Variants in CHIC1 observed in about 807,000 individuals in gnomAD.
The protein encoded by CHIC1 is cysteine-rich hydrophobic domain-containing protein 1.
In CHIC1, 7 loss-of-function variants were observed where a neutral mutation model predicts 18.5. The ratio of observed to expected loss-of-function variants is 0.38; its 90% CI spans 0.22 to 0.71. The LOEUF (loss-of-function observed/expected upper bound fraction) is 0.71. CHIC1 is among the 30% of genes least tolerant of loss of function. CHIC1 has a pLI of 0.49. For synonymous variants in CHIC1, 77 were observed against 73.5 expected, an observed-to-expected ratio of 1.05 and a Z score of -0.25; for missense variants, 159 against 176.9, an observed-to-expected ratio of 0.90 and a Z score of 0.57.
At chrX:73,679,618 A>T in intron 4 of CHIC1, 36 bp from the exon 5 acceptor site, 1 of 925,676 alleles carries the variant, frequency 1.1e-6, no homozygotes, top group Non-Finnish European at 1.5e-6. Flanking sequence ...AGTTTAAGTT[A>T]ATATAAAAAT....
intron 3 of CHIC1, among the ~76,000 whole-genome samples, chrX:73,610,569 T>G (rs1569502482): frequency 9.2e-6 from 1 of 108,573 alleles, no homozygotes; most frequent in Non-Finnish European, 1.9e-5. Flanking sequence ...CTGGTTTTGA[T>G]ATCAGTGTAA....
intron 3 of CHIC1, among the ~76,000 whole-genome samples, chrX:73,601,135 A>C (rs1425813030): frequency 9.4e-6 from 1 of 106,450 alleles, no homozygotes; most frequent in Non-Finnish European, 1.9e-5. Context: ...CCCACTGTCA[A>C]CATTAGACAG....
chrX:73,584,479 C>T lies in CHIC1; in HGVS notation c.414C>T (p.Leu138=). The T allele has an allele frequency of 1.7e-6, 2 of 1,175,579 alleles. No homozygotes were observed. Among genetic ancestry groups the T allele is most frequent in the Non-Finnish European group, 2.3e-6 (2 of 876,292 alleles). The change falls in exon 3 of 6, where the codon CTC becomes CTT. Residue 138 remains leucine (L), a synonymous_variant. Coordinates refer to ENST00000373502, the MANE Select transcript of CHIC1 (RefSeq NM_001039840.4). ...GRVNACLKKA[L]PVNVKWLLCG... Reference sequence around the variant, plus strand: ...TGAATGCATGTTTGAAAAAGGCTCTCCCGGTCAATGTGAAATGGCTGCTGT... The same window carrying T: ...TGAATGCATGTTTGAAAAAGGCTCTTCCGGTCAATGTGAAATGGCTGCTGT...
At chrX:73,653,206 C>T (rs1459753197) in intron 3 of CHIC1, among the ~76,000 whole-genome samples, 1 of 109,806 alleles carries the variant, frequency 9.1e-6, no homozygotes, top group Non-Finnish European at 1.9e-5. Context: ...GGGAACAACA[C>T]ACTCTGGGGT....
intron 3 of CHIC1, among the ~76,000 whole-genome samples, chrX:73,645,879 C>A (rs1004387116): frequency 4.5e-5 from 5 of 111,602 alleles, no homozygotes; most frequent in African/African-American, 1.6e-4. Context: ...ATTTCCTTTG[C>A]AAAGCAAAGG....
At chrX:73,675,488 G>A (rs2058056956) in intron 3 of CHIC1, among the ~76,000 whole-genome samples, 1 of 111,691 alleles carries the variant, frequency 9.0e-6, no homozygotes, top group Non-Finnish European at 1.9e-5. Flanking sequence ...TAATGTAATG[G>A]CCTTCTTTGT....
Position 73,605,853 on chromosome X carries a change from G to C in CHIC1, c.507+21281G>C, listed in dbSNP as rs180783084. Among the ~76,000 whole-genome samples the C allele has an allele frequency of 2.2e-3, 244 of 108,819 alleles. 19 individuals carry two copies. Among genetic ancestry groups the C allele is most frequent in the African/African-American group, 8.2e-3 (229 of 28,011 alleles). 94.5% of individuals were successfully genotyped at this position (108,819 alleles called of 115,157 possible). On this transcript the variant is annotated intron_variant, in intron 3 of 5. Transcript: ENST00000373502. ...TCTTCTGGCTTGTAGGGTTTCTGCAGAGAGATCTACTATTAGTCTGATGGG... is the reference window on the plus strand; with the variant it reads ...TCTTCTGGCTTGTAGGGTTTCTGCACAGAGATCTACTATTAGTCTGATGGG...
chrX:73,585,359 A>T (rs1445500566), intron 3 of CHIC1, among the ~76,000 whole-genome samples: 1 of 111,170 alleles, frequency 9.0e-6, no homozygotes, highest in Non-Finnish European at 1.9e-5. Flanking sequence ...TTTAATGTTT[A>T]CTTCAAAAAG....
rs191169864 is a variant in CHIC1, at chrX:73,581,959, T to G, written c.352-2458T>G. Among the ~76,000 whole-genome samples the G allele has an allele frequency of 6.4e-3, 709 of 110,771 alleles. 8 individuals are homozygous for G. The highest frequency in any genetic ancestry group is 0.022 in the African/African-American group (665 of 30,712). ...ACAGTGTTTGAAATAAAAAGCTATT[T>G]TCTCTTCCCTCTTTTATTCTCTAGC... On this transcript the variant is annotated intron_variant, in intron 2 of 5. Transcript: ENST00000373502.
intron 3 of CHIC1, among the ~76,000 whole-genome samples, chrX:73,676,277 C>G (rs1321443175): frequency 9.0e-6 from 1 of 111,534 alleles, no homozygotes; most frequent in African/African-American, 3.3e-5. Flanking sequence ...GAATGTTGGC[C>G]TACCTTGCTA....
Position 73,646,170 on chromosome X carries a change from G to A in CHIC1, c.508-33156G>A, listed in dbSNP as rs191432211. Among the ~76,000 whole-genome samples the A allele has an allele frequency of 7.3e-4, 81 of 111,564 alleles. 4 individuals carry two copies. In the East Asian group the frequency reaches 9.6e-3, roughly 13 times the overall value. On this transcript the variant is annotated intron_variant, in intron 3 of 5. Coordinates refer to ENST00000373502, the MANE Select transcript of CHIC1 (RefSeq NM_001039840.4). ...GTCCTTTCTGTATTGTGTGTTCTTA[G>A]CAACTTTGTCAAACCAATTGACCAT...
At position 73,683,513 on chromosome X, in the gene CHIC1, T is replaced by G. The variant is rs2058108087; in HGVS notation, c.*2508T>G. On this transcript the variant is annotated 3_prime_UTR_variant, in exon 6 of 6. Transcript: ENST00000373502. Reference sequence around the variant, plus strand: ...GATTAATTCCTCCCCCATGGAGCCTTTTTTCTGTTATGCTTAGGATAGAAC... The same window carrying G: ...GATTAATTCCTCCCCCATGGAGCCTGTTTTCTGTTATGCTTAGGATAGAAC... The G allele has an allele frequency of 1.8e-5, 2 of 111,592 alleles. No homozygotes were observed. Among genetic ancestry groups the G allele is most frequent in the South Asian group, 7.3e-4 (2 of 2,732 alleles). The allele number at this position is 111,592 out of a possible 1,213,427, so 9.2% of individuals were successfully genotyped here. A position where few individuals can be genotyped will look rare whatever the true frequency, so the allele number is the denominator to read the frequency against.
intron 3 of CHIC1, among the ~76,000 whole-genome samples, chrX:73,670,298 C>T (rs1305297199): frequency 9.0e-6 from 1 of 111,700 alleles, no homozygotes; most frequent in Non-Finnish European, 1.9e-5. Context: ...TATATTCACT[C>T]ACCCCTTTCA....
chrX:73,597,440 A>G (rs1310640109), intron 3 of CHIC1, among the ~76,000 whole-genome samples: 2 of 109,609 alleles, frequency 1.8e-5, no homozygotes, highest in Admixed American at 2.0e-4. Context: ...TTGTCTTTTC[A>G]CTGTCTTAAT....
chrX:73,605,839 G>A (rs1434557153), intron 3 of CHIC1, among the ~76,000 whole-genome samples: 4 of 108,816 alleles, frequency 3.7e-5, no homozygotes, highest in Non-Finnish European at 7.5e-5. Flanking sequence ...CTTCTGGCTT[G>A]TAGGGTTTCT....
In CHIC1 at chrX:73,620,457, T is replaced by C. The variant is rs1019859387; in HGVS notation, c.507+35885T>C. Among the ~76,000 whole-genome samples the C allele has an allele frequency of 8.9e-5, 10 of 112,415 alleles. No individual in the cohort carries two copies. The Admixed American group carries it at 9.4e-4, about 11-fold the overall frequency. On this transcript the variant is annotated intron_variant, in intron 3 of 5. Transcript: ENST00000373502. Reference sequence around the variant, plus strand: ...TGACTTGCATTTCTCTAATGACCAGTGATGATGAGCTTTTTTACATGTTTT... The same window carrying C: ...TGACTTGCATTTCTCTAATGACCAGCGATGATGAGCTTTTTTACATGTTTT...
rs1479970591 is a variant in CHIC1, at chrX:73,686,483, T to G, written c.*5478T>G. On this transcript the variant is annotated 3_prime_UTR_variant, in exon 6 of 6. Coordinates refer to ENST00000373502, the MANE Select transcript of CHIC1 (RefSeq NM_001039840.4). ...ATTGGACTAAATATCAATTTCTGAC[T>G]CTTAAAGTAGTTCTGTGTATAAATT... 8.9e-6 allele frequency: 1 copy of G among 112,097 alleles called. No individual in the cohort carries two copies. Among genetic ancestry groups the G allele is most frequent in the Admixed American group, 9.5e-5 (1 of 10,543 alleles). 9.2% of individuals were successfully genotyped at this position (112,097 alleles called of 1,213,427 possible).
At chrX:73,674,368 T>C (rs1030140165) in intron 3 of CHIC1, among the ~76,000 whole-genome samples, 1 of 111,944 alleles carries the variant, frequency 8.9e-6, no homozygotes, top group African/African-American at 3.3e-5. Context: ...GGTCCTGGAC[T>C]TTTTTTGGTT....
intron 3 of CHIC1, among the ~76,000 whole-genome samples, chrX:73,607,745 G>A (rs2057689765): frequency 9.3e-6 from 1 of 107,927 alleles, no homozygotes; most frequent in African/African-American, 3.6e-5. Context: ...CGGGGAGGGA[G>A]TTCCCTGACC....
Sources: allele counts gnomAD v4.1 joint callset (sites outside exome capture counted in the v4.1 genomes callset), GRCh38; gene constraint gnomAD v4.1.1; transcripts MANE v1.5; gene names NCBI Gene and HGNC (gene_info 2026-07-23, HGNC 2026-07-21).